OPRM1: variants seen among roughly 807,000 people sequenced by gnomAD.
The protein encoded by OPRM1 is opioid receptor mu 1, also known as mu-type opioid receptor.
Under a neutral mutation model 31.8 loss-of-function variants are expected in OPRM1, and 27 were observed. The observed-to-expected ratio is 0.85, with a 90% CI of 0.63 to 1.17. The LOEUF (loss-of-function observed/expected upper bound fraction) is 1.17, where lower values mean the gene tolerates loss of function less well. OPRM1 is among the 50% of genes most tolerant of loss of function. OPRM1 has a pLI of 0.00. For synonymous variants in OPRM1, 196 were observed against 189.9 expected (o/e 1.03, Z -0.26); for missense variants, 536 against 511.1 (o/e 1.05, Z -0.47).
At chr6:154,111,893 G>A (rs1796400114) in intron 3 of OPRM1, among the ~76,000 whole-genome samples, 1 of 152,084 alleles carries the variant, frequency 6.6e-6, no homozygotes. Context: ...AGCTTCCTGA[G>A]TAGCTGGGAC....
intron 3 of OPRM1, chr6:154,212,673 T>C (rs1407326397): frequency 1.3e-6 from 1 of 797,698 alleles, no homozygotes; most frequent in Non-Finnish European, 2.0e-6. Flanking sequence ...TAGCCCATTC[T>C]AAAAATTTAT....
intron 1 of OPRM1, among the ~76,000 whole-genome samples, chr6:154,047,165 T>A (rs527260177): frequency 8.7e-5 from 13 of 148,598 alleles, no homozygotes; most frequent in Non-Finnish European, 1.8e-4. Context: ...AACCCCATCA[T>A]GTTTCATTCC....
intron 3 of OPRM1, among the ~76,000 whole-genome samples, chr6:154,094,027 T>C (rs1792898009): frequency 6.6e-6 from 1 of 152,386 alleles, no homozygotes; most frequent in South Asian, 2.1e-4. Flanking sequence ...TTTCACATCA[T>C]GACCCATCAT....
intron 1 of OPRM1, among the ~76,000 whole-genome samples, chr6:154,056,379 C>G (rs1384428300): frequency 6.6e-6 from 1 of 152,022 alleles, no homozygotes; most frequent in Non-Finnish European, 1.5e-5. Context: ...GCCTCAGCCT[C>G]CCAAAGTGCT....
chr6:154,152,314 A>AGGAAAGAAAG (rs772409804), intron 3 of OPRM1, among the ~76,000 whole-genome samples: 1 of 65,644 alleles, frequency 1.5e-5, no homozygotes, highest in African/African-American at 5.6e-5. Flanking sequence ...AAAGAAAGAA[A>AGGAAAGAAAG]GAAAGAAAGA....
At chr6:154,173,160 G>A (rs547977666) in intron 3 of OPRM1, among the ~76,000 whole-genome samples, 24 of 152,280 alleles carry the variant, frequency 1.6e-4, no homozygotes, top group East Asian at 7.7e-4. Flanking sequence ...AACCCCATCC[G>A]TAGGTCACCA....
At chr6:154,236,521 A>G (rs1780147536) in intron 3 of OPRM1, among the ~76,000 whole-genome samples, 1 of 152,214 alleles carries the variant, frequency 6.6e-6, no homozygotes, top group African/African-American at 2.4e-5. Flanking sequence ...ACTCAACTGT[A>G]CCCTTAAAAA....
intron 1 of OPRM1, among the ~76,000 whole-genome samples, chr6:154,029,929 T>G (rs896026395): frequency 6.6e-6 from 1 of 152,172 alleles, no homozygotes; most frequent in Non-Finnish European, 1.5e-5. Context: ...CAAGCCATGT[T>G]GAACTGTGAG....
At chr6:154,099,284 A>G (rs1247827434) in intron 3 of OPRM1, among the ~76,000 whole-genome samples, 2 of 45,074 alleles carry the variant, frequency 4.4e-5, no homozygotes, top group Non-Finnish European at 1.1e-4. Context: ...GAGTCTGTCG[A>G]AAGGAAGGAA....
At chr6:154,087,623 CAAAAT>C (rs1360201633) in intron 1 of OPRM1, 3 of 982,024 alleles carry the variant, frequency 3.1e-6, no homozygotes, top group Non-Finnish European at 3.6e-6. Flanking sequence ...CCATAAGTCT[CAAAAT>C]AAACTCTCAC....
Position 154,122,147 on chromosome 6 carries a change from C to T in OPRM1, c.*3426C>T, listed in dbSNP as rs1797339227. 6.6e-6 allele frequency among the ~76,000 whole-genome samples: 1 copy of T among 152,122 alleles called. No homozygotes were observed. Among genetic ancestry groups the T allele is most frequent in the Non-Finnish European group, 1.5e-5 (1 of 68,030 alleles). ...TAGCTTAAGTTTTTCAGCTTCTTAA[C>T]TGGCCACACACACACAAGTTGTGTT... On this transcript the variant is annotated 3_prime_UTR_variant, in exon 4 of 4. Coordinates refer to ENST00000330432, the MANE Select transcript of OPRM1 (RefSeq NM_000914.5).
chr6:154,119,484 G>T lies in OPRM1; in HGVS notation c.*763G>T. 1 of 980,496 alleles carries T rather than the reference G, an allele frequency of 1.0e-6. No individual in the cohort carries two copies. Among genetic ancestry groups the T allele is most frequent in the South Asian group, 4.7e-5 (1 of 21,196 alleles). 60.7% of individuals were successfully genotyped at this position (980,496 alleles called of 1,614,324 possible). On this transcript the variant is annotated 3_prime_UTR_variant, in exon 4 of 4. Coordinates refer to ENST00000330432, the MANE Select transcript of OPRM1 (RefSeq NM_000914.5). The stretch of plus-strand genomic sequence containing the variant: ...TCAGTTTTAAATGTGCAATTTTCTT[G>T]CTCCTATTTAAGTGTTCACAAAAGG...
At chr6:154,062,241 A>G (rs1488297264) in intron 1 of OPRM1, among the ~76,000 whole-genome samples, 1 of 152,176 alleles carries the variant, frequency 6.6e-6, no homozygotes, top group Non-Finnish European at 1.5e-5. Flanking sequence ...ATGATCCTGA[A>G]AAGTAATAAA....
intron 3 of OPRM1, among the ~76,000 whole-genome samples, chr6:154,151,360 G>C (rs192617164): frequency 6.6e-6 from 1 of 152,282 alleles, no homozygotes; most frequent in East Asian, 1.9e-4. Flanking sequence ...CTGGTCCCTG[G>C]GGGAAGCCCT....
intron 3 of OPRM1, among the ~76,000 whole-genome samples, chr6:154,111,750 ATTTT>A (rs1194103892): frequency 3.8e-5 from 3 of 78,156 alleles, no homozygotes; most frequent in African/African-American, 1.6e-4. Flanking sequence ...ACTATAGTTT[ATTTT>A]TATTTATTTA....
At chr6:154,175,629 T>C (rs1353739899) in intron 3 of OPRM1, among the ~76,000 whole-genome samples, 1 of 152,142 alleles carries the variant, frequency 6.6e-6, no homozygotes, top group African/African-American at 2.4e-5. Context: ...CAGGAAGAAG[T>C]TGAATCTCTG....
At chr6:154,201,910 C>A (rs560589006) in intron 3 of OPRM1, among the ~76,000 whole-genome samples, 2 of 152,086 alleles carry the variant, frequency 1.3e-5, no homozygotes, top group South Asian at 4.2e-4. Flanking sequence ...AACAAACAAA[C>A]AAAAAAACTC....
At position 154,091,376 on chromosome 6, in the gene OPRM1, C is replaced by T. The variant is rs1025223733; in HGVS notation, c.1068C>T (p.Thr356=). 1 of 1,614,192 alleles carries T rather than the reference C, an allele frequency of 6.2e-7. No individual in the cohort carries two copies. Among genetic ancestry groups the T allele is most frequent in the Non-Finnish European group, 8.5e-7 (1 of 1,180,028 alleles). ...GCTTCAGAGAGTTCTGTATCCCAAC[C>T]TCTTCCAACATTGAGCAACAAAACT... is the stretch of plus-strand genomic sequence containing the variant. ...KRCFREFCIP[T]SSNIEQQNST... The change falls in exon 3 of 4, where the codon ACC becomes ACT. Residue 356 remains threonine, a synonymous_variant. Coordinates refer to ENST00000330432, the MANE Select transcript of OPRM1 (RefSeq NM_000914.5).
chr6:154,032,657 C>T (rs1412124581), intron 1 of OPRM1, among the ~76,000 whole-genome samples: 1 of 152,160 alleles, frequency 6.6e-6, no homozygotes, highest in African/African-American at 2.4e-5. Flanking sequence ...TGGTCTCAAA[C>T]TCCTGGGTTC....
Sources: allele counts gnomAD v4.1 joint callset (sites outside exome capture counted in the v4.1 genomes callset), GRCh38; gene constraint gnomAD v4.1.1; transcripts MANE v1.5; gene names NCBI Gene and HGNC (gene_info 2026-07-23, HGNC 2026-07-21).